Variants in NTRK3 observed in about 807,000 individuals in gnomAD.
NTRK3 encodes neurotrophic receptor tyrosine kinase 3.
A neutral mutation model predicts 91.7 loss-of-function variants in NTRK3; 24 were observed. That is an observed-to-expected ratio of 0.26 (90% CI 0.19 to 0.37). The LOEUF (loss-of-function observed/expected upper bound fraction) is 0.37. Ranked by LOEUF, NTRK3 falls within the 10% of genes least tolerant of loss-of-function variation. The probability of loss-of-function intolerance (pLI) is 1.00; values close to 1 mark genes in which losing one functional copy is unlikely to be tolerated. For synonymous variants in NTRK3, 483 were observed against 404.0 expected, an observed-to-expected ratio of 1.20 and a Z score of -2.34; for missense variants, 880 against 1,068.9, an observed-to-expected ratio of 0.82 and a Z score of 2.46.
At chr15:88,167,757 C>T (rs1172511598) in intron 5 of NTRK3, among the ~76,000 whole-genome samples, 1 of 152,130 alleles carries the variant, frequency 6.6e-6, no homozygotes, top group Admixed American at 6.6e-5. Flanking sequence ...GCATCCATTT[C>T]ACTTCACAGA....
chr15:88,142,720 G>C (rs2042506938), intron 6 of NTRK3, among the ~76,000 whole-genome samples: 1 of 152,216 alleles, frequency 6.6e-6, no homozygotes, highest in Non-Finnish European at 1.5e-5. Context: ...AAAGATCTGA[G>C]TTGGGACAGC....
intron 13 of NTRK3, among the ~76,000 whole-genome samples, chr15:88,036,376 C>T (rs1207430154): frequency 2.0e-5 from 3 of 151,656 alleles, no homozygotes; most frequent in Non-Finnish European, 4.4e-5. Context: ...CAGAGCAATT[C>T]CTTCAACATT....
intron 14 of NTRK3, among the ~76,000 whole-genome samples, chr15:87,958,415 G>A (rs889616482): frequency 1.2e-4 from 19 of 152,022 alleles, no homozygotes; most frequent in African/African-American, 3.9e-4. Flanking sequence ...ATCCAGCATC[G>A]TTGTCCAAAC....
chr15:88,254,489 A>G (rs1284973498), intron 3 of NTRK3, among the ~76,000 whole-genome samples: 3 of 152,160 alleles, frequency 2.0e-5, no homozygotes, highest in Non-Finnish European at 4.4e-5. Flanking sequence ...GCCAGGAGTC[A>G]GAGACATCTC....
chr15:88,178,927 A>G (rs984702241), intron 5 of NTRK3, among the ~76,000 whole-genome samples: 10 of 152,224 alleles, frequency 6.6e-5, no homozygotes, highest in African/African-American at 2.4e-4. Context: ...TGTGAAAACC[A>G]GAGAGAAAAA....
At chr15:88,176,214 G>A (rs1165870765) in intron 5 of NTRK3, among the ~76,000 whole-genome samples, 6 of 137,066 alleles carry the variant, frequency 4.4e-5, no homozygotes, top group East Asian at 2.1e-4. Context: ...TCAGCTCACT[G>A]CAACCTCCGC....
chr15:88,229,745 T>G (rs938926615), intron 3 of NTRK3, among the ~76,000 whole-genome samples: 3 of 152,224 alleles, frequency 2.0e-5, no homozygotes, highest in Non-Finnish European at 4.4e-5. Flanking sequence ...ACTCCCACCT[T>G]CCATCCACAT....
At chr15:87,943,459 CCTT>C (rs1218790038) in intron 14 of NTRK3, among the ~76,000 whole-genome samples, 3 of 152,042 alleles carry the variant, frequency 2.0e-5, no homozygotes, top group Non-Finnish European at 2.9e-5. Context: ...GCCTCTCTTG[CCTT>C]CTTATGTTCT....
chr15:87,888,480 C>T (rs116422254), intron 17 of NTRK3, among the ~76,000 whole-genome samples: 85 of 152,270 alleles, frequency 5.6e-4, no homozygotes, highest in African/African-American at 2.0e-3. Flanking sequence ...CATCAAGTGC[C>T]TATTCCCAAA....
At chr15:88,004,605 C>T (rs930593159) in intron 14 of NTRK3, among the ~76,000 whole-genome samples, 2 of 152,158 alleles carry the variant, frequency 1.3e-5, no homozygotes, top group African/African-American at 4.8e-5. Context: ...TGTGCAAATT[C>T]AAGGCATATT....
chr15:87,863,032 C>T (rs2064568062), exon 19 of NTRK3: 1 of 230,840 alleles, frequency 4.3e-6, no homozygotes, highest in South Asian at 1.8e-4. Flanking sequence ...AGCAGTCCTT[C>T]ATTTAGGGGT....
At chr15:88,010,746 A>C (rs2076820150) in intron 14 of NTRK3, among the ~76,000 whole-genome samples, 1 of 142,526 alleles carries the variant, frequency 7.0e-6, no homozygotes, top group Non-Finnish European at 1.5e-5. Flanking sequence ...TTACACACAC[A>C]CCCACACACA....
chr15:87,983,250 C>T (rs760142157), intron 14 of NTRK3, among the ~76,000 whole-genome samples: 10 of 152,186 alleles, frequency 6.6e-5, no homozygotes, highest in Non-Finnish European at 8.8e-5. Context: ...GGAGTGCTGG[C>T]GCTGGGGCCC....
At chr15:88,213,001 A>G (rs957367002) in intron 3 of NTRK3, among the ~76,000 whole-genome samples, 3 of 152,254 alleles carry the variant, frequency 2.0e-5, no homozygotes, top group Admixed American at 6.5e-5. Context: ...TCGCCTGGGC[A>G]CCTGACGCCA....
At chr15:88,143,575 G>C (rs557772187) in intron 6 of NTRK3, among the ~76,000 whole-genome samples, 9 of 152,278 alleles carry the variant, frequency 5.9e-5, no homozygotes, top group South Asian at 4.2e-4. Context: ...CAGCAAAATG[G>C]AGATCATTGT....
At chr15:88,012,956 A>G (rs1251235854) in intron 14 of NTRK3, among the ~76,000 whole-genome samples, 1 of 152,218 alleles carries the variant, frequency 6.6e-6, no homozygotes, top group Non-Finnish European at 1.5e-5. Flanking sequence ...CCACACTTGG[A>G]TAACCCCTGA....
At chr15:88,232,900 C>G (rs2051335123) in intron 3 of NTRK3, among the ~76,000 whole-genome samples, 1 of 152,188 alleles carries the variant, frequency 6.6e-6, no homozygotes, top group Non-Finnish European at 1.5e-5. Flanking sequence ...GGAACCCATC[C>G]CCCAGCCTAC....
chr15:88,242,965 C>T (rs1024669969), intron 3 of NTRK3, among the ~76,000 whole-genome samples: 1 of 152,226 alleles, frequency 6.6e-6, no homozygotes, highest in Admixed American at 6.5e-5. Context: ...AACACCTGCC[C>T]TAGGGATGGG....
chr15:87,935,998 G>GC (rs1268361516), intron 15 of NTRK3, among the ~76,000 whole-genome samples: 2 of 152,212 alleles, frequency 1.3e-5, no homozygotes, highest in African/African-American at 4.8e-5. Flanking sequence ...GCTGCCAGTG[G>GC]CCCTGTCCCC....
Sources: gnomAD v4.1 joint callset for allele counts (sites outside exome capture counted in the v4.1 genomes callset) on GRCh38, gnomAD v4.1.1 for gene constraint, MANE v1.5 for transcripts, NCBI Gene and HGNC (gene_info 2026-07-23, HGNC 2026-07-21) for gene names.